ARHGAP31: variants seen among roughly 807,000 people sequenced by gnomAD.
ARHGAP31 encodes Rho GTPase activating protein 31.
ARHGAP31 carries 34 observed loss-of-function variants against 113.9 expected under a neutral mutation model. That is an observed-to-expected ratio of 0.30 (90% CI 0.23 to 0.40). The LOEUF is 0.40. ARHGAP31 is among the 10% of genes least tolerant of loss of function. The pLI is 1.00. For synonymous variants in ARHGAP31, 650 were observed against 684.8 expected (o/e 0.95, Z 0.79); for missense variants, 1,548 against 1,767.1 (o/e 0.88, Z 2.22).
At chr3:119,397,268 T>C (rs577299821) in intron 8 of ARHGAP31, among the ~76,000 whole-genome samples, 81 of 152,302 alleles carry the variant, frequency 5.3e-4, no homozygotes, top group African/African-American at 1.9e-3. Flanking sequence ...CACAAGGAAC[T>C]GCATCATGAG....
chr3:119,305,007 T>G (rs984149734), intron 1 of ARHGAP31, among the ~76,000 whole-genome samples: 1 of 152,216 alleles, frequency 6.6e-6, no homozygotes, highest in Admixed American at 6.5e-5. Flanking sequence ...ATGGCATAAA[T>G]GTCCAACTGC....
intron 7 of ARHGAP31, among the ~76,000 whole-genome samples, chr3:119,392,374 A>AGACTTGCTT (rs1322608609): frequency 6.6e-6 from 1 of 152,156 alleles, no homozygotes; most frequent in Non-Finnish European, 1.5e-5. Context: ...CTTGAGCCCA[A>AGACTTGCTT]GAGGTCAAGA....
intron 1 of ARHGAP31, among the ~76,000 whole-genome samples, chr3:119,324,214 T>TA (rs2079819818): frequency 6.6e-6 from 1 of 152,150 alleles, no homozygotes; most frequent in South Asian, 2.1e-4. Flanking sequence ...TTCAGGACAG[T>TA]AAAGGTTCTC....
chr3:119,317,808 A>C (rs2079747187), intron 1 of ARHGAP31, among the ~76,000 whole-genome samples: 1 of 152,208 alleles, frequency 6.6e-6, no homozygotes, highest in Non-Finnish European at 1.5e-5. Flanking sequence ...TACTACTGTG[A>C]CATGGGGTAA....
At chr3:119,376,653 T>C (rs1413678249) in intron 3 of ARHGAP31, among the ~76,000 whole-genome samples, 1 of 152,082 alleles carries the variant, frequency 6.6e-6, no homozygotes, top group Non-Finnish European at 1.5e-5. Flanking sequence ...AAACCTCTGA[T>C]TATCCTATCT....
At chr3:119,303,575 C>T (rs2079603076) in intron 1 of ARHGAP31, among the ~76,000 whole-genome samples, 1 of 152,130 alleles carries the variant, frequency 6.6e-6, no homozygotes, top group Non-Finnish European at 1.5e-5. Flanking sequence ...TGTAGGCCCC[C>T]TTCCCACCAC....
chr3:119,325,715 A>G (rs996350597), intron 1 of ARHGAP31, among the ~76,000 whole-genome samples: 1 of 152,220 alleles, frequency 6.6e-6, no homozygotes, highest in Non-Finnish European at 1.5e-5. Context: ...TTTGACAGCT[A>G]GGGCAAAACA....
At chr3:119,373,969 A>G (rs1180574392) in intron 3 of ARHGAP31, among the ~76,000 whole-genome samples, 1 of 152,366 alleles carries the variant, frequency 6.6e-6, no homozygotes. Context: ...ATTATATACA[A>G]TATCAACATT....
Position 119,413,882 on chromosome 3 carries a change from G to T in ARHGAP31, c.1953G>T (p.Leu651=). The change falls in exon 12 of 12, where the codon CTG becomes CTT. Residue 651 remains leucine (L), a synonymous_variant. Coordinates refer to ENST00000264245, the MANE Select transcript of ARHGAP31 (RefSeq NM_020754.4). ...EMDEDDLANA[L]IWPEIQQELK... is the part of the protein sequence containing the mutation. ...ATGAAGATGATCTGGCCAATGCCCT[G>T]ATCTGGCCTGAGATTCAACAGGAGC... The T allele has an allele frequency of 6.2e-7, 1 of 1,614,204 alleles. No homozygotes were observed. The highest frequency in any genetic ancestry group is 1.1e-5 in the South Asian group (1 of 91,082).
intron 9 of ARHGAP31, among the ~76,000 whole-genome samples, chr3:119,401,339 G>C (rs2080604920): frequency 6.6e-6 from 1 of 152,174 alleles, no homozygotes. Flanking sequence ...AAACCCCCCT[G>C]TCTGGGTCCA....
At chr3:119,372,391 C>G (rs942396929) in intron 3 of ARHGAP31, among the ~76,000 whole-genome samples, 1 of 150,280 alleles carries the variant, frequency 6.7e-6, no homozygotes, top group Non-Finnish European at 1.5e-5. Flanking sequence ...TCAAGCTATT[C>G]TCCTGCCTCA....
intron 1 of ARHGAP31, among the ~76,000 whole-genome samples, chr3:119,312,648 TTATAAAG>T (rs970064559): frequency 5.9e-5 from 9 of 152,220 alleles, no homozygotes; most frequent in South Asian, 2.1e-4. Context: ...ACAATGTGAT[TTATAAAG>T]TATAAAGTCC....
intron 3 of ARHGAP31, 33 bp from the exon 4 acceptor site, chr3:119,380,871 A>C: frequency 6.3e-7 from 1 of 1,598,662 alleles, no homozygotes; most frequent in Non-Finnish European, 8.6e-7. Flanking sequence ...GCTCTCAAGC[A>C]CTCACCAGGC....
intron 1 of ARHGAP31, among the ~76,000 whole-genome samples, chr3:119,325,673 G>A (rs1262775452): frequency 6.6e-6 from 1 of 151,392 alleles, no homozygotes; most frequent in Non-Finnish European, 1.5e-5. Context: ...GGGAAGGGGG[G>A]GACGGAAATG....
At chr3:119,310,131 C>G (rs1255377186) in intron 1 of ARHGAP31, among the ~76,000 whole-genome samples, 1 of 152,196 alleles carries the variant, frequency 6.6e-6, no homozygotes, top group Non-Finnish European at 1.5e-5. Flanking sequence ...TCCCGTCAAG[C>G]TGACTGGCAT....
intron 4 of ARHGAP31, 51 bp from the exon 5 acceptor site, chr3:119,382,241 T>C: frequency 6.6e-7 from 1 of 1,515,210 alleles, no homozygotes; most frequent in Non-Finnish European, 9.2e-7. Context: ...TATGTCAGGC[T>C]TCACACGGGC....
Position 119,414,709 on chromosome 3 carries a change from A to C in ARHGAP31, c.2780A>C (p.His927Pro). The C allele has an allele frequency of 6.2e-7, 1 of 1,614,212 alleles. No homozygotes were observed. Residue 927 changes from histidine (H) to proline (P), a missense_variant, in exon 12 of 12, where the codon CAC (histidine) becomes CCC (proline). Physicochemically the swap from His to Pro is moderately conservative, Grantham distance 77 (BLOSUM62 -2). Transcript: ENST00000264245. The stretch of plus-strand genomic sequence containing the variant: ...CACTCTCCCACCCTGAAAGACGCGC[A>C]CAAGGCCCAGGTACAGGGCCTTCAG... The part of the protein sequence containing the change: ...PLHSPTLKDA[H>P]KAQVQGLQGH...
intron 5 of ARHGAP31, 147 bp from the exon 6 acceptor site, chr3:119,382,937 C>G: frequency 1.9e-6 from 2 of 1,064,880 alleles, no homozygotes; most frequent in Non-Finnish European, 1.4e-6. Context: ...TTGGAGAGTT[C>G]CTTTAATTGG....
intron 1 of ARHGAP31, among the ~76,000 whole-genome samples, chr3:119,351,733 C>T (rs902115574): frequency 6.6e-6 from 1 of 152,180 alleles, no homozygotes; most frequent in Non-Finnish European, 1.5e-5. Context: ...GCTTCTCTCT[C>T]ATTAATCTGC....
Sources: gnomAD v4.1 joint callset for allele counts (sites outside exome capture counted in the v4.1 genomes callset) on GRCh38, gnomAD v4.1.1 for gene constraint, MANE v1.5 for transcripts, NCBI Gene and HGNC (gene_info 2026-07-23, HGNC 2026-07-21) for gene names.